DBT: variants seen among roughly 807,000 people sequenced by gnomAD.
The protein encoded by DBT is lipoamide acyltransferase component of branched-chain alpha-keto acid dehydrogenase complex, mitochondrial.
A neutral mutation model predicts 51.3 loss-of-function variants in DBT; 40 were observed. The observed-to-expected ratio is 0.78, with a 90% CI of 0.61 to 1.02. The LOEUF is 1.02. DBT is among the 50% of genes least tolerant of loss of function. The pLI is 0.00. For synonymous variants in DBT, 181 were observed against 190.4 expected (o/e 0.95, Z 0.41); for missense variants, 510 against 580.2 (o/e 0.88, Z 1.24).
intron 2 of DBT, among the ~76,000 whole-genome samples, chr1:100,238,253 T>C (rs1324142522): frequency 1.5e-5 from 2 of 137,740 alleles, no homozygotes; most frequent in Admixed American, 7.2e-5. Context: ...CTTCCTTTCC[T>C]CCCTTCCTTT....
At chr1:100,211,617 A>C (rs1662149685) in intron 7 of DBT, among the ~76,000 whole-genome samples, 1 of 152,200 alleles carries the variant, frequency 6.6e-6, no homozygotes, top group African/African-American at 2.4e-5. Flanking sequence ...ATGGGAAAAA[A>C]ATCAAATTCT....
rs1390750299 is a variant in DBT, at chr1:100,195,316, A to G, written c.*939T>C. 1.3e-5 allele frequency: 2 copies of G among 152,650 alleles called. No individual in the cohort carries two copies. Among genetic ancestry groups the G allele is most frequent in the African/African-American group, 4.8e-5 (2 of 41,470 alleles). 9.5% of individuals were successfully genotyped at this position (152,650 alleles called of 1,614,324 possible). On this transcript the variant is annotated 3_prime_UTR_variant, in exon 11 of 11. Transcript: ENST00000370132. ...AAAGCATTACCACAAATCTAAAACT[A>G]TATCCATTTTAAACAAACACCTTTA...
At chr1:100,200,669 T>C (rs1210089944) in intron 10 of DBT, among the ~76,000 whole-genome samples, 1 of 152,186 alleles carries the variant, frequency 6.6e-6, no homozygotes, top group East Asian at 1.9e-4. Context: ...CTCGCTGGCA[T>C]CTGGCAGGTG....
intron 8 of DBT, among the ~76,000 whole-genome samples, chr1:100,209,365 G>A (rs1475478324): frequency 6.6e-6 from 1 of 151,886 alleles, no homozygotes; most frequent in Non-Finnish European, 1.5e-5. Flanking sequence ...CCCCCAAAGT[G>A]CTGGGATTAC....
chr1:100,210,316 T>TAAG (rs1217977468), intron 8 of DBT, among the ~76,000 whole-genome samples: 4 of 55,324 alleles, frequency 7.2e-5, no homozygotes, highest in Non-Finnish European at 1.7e-4. Flanking sequence ...CCAATAATAA[T>TAAG]AATAATAATA....
At chr1:100,219,218 G>C (rs1662683679) in intron 4 of DBT, among the ~76,000 whole-genome samples, 1 of 152,010 alleles carries the variant, frequency 6.6e-6, no homozygotes, top group African/African-American at 2.4e-5. Flanking sequence ...TGAGTTTGGT[G>C]GCACACACCT....
At chr1:100,213,285 G>T (rs1047962702) in intron 7 of DBT, 1 of 1,383,486 alleles carries the variant, frequency 7.2e-7, no homozygotes, top group Non-Finnish European at 9.3e-7. Flanking sequence ...GAGCCGAGCC[G>T]GGCCGCCATG....
At chr1:100,241,907 G>C (rs1447876034) in intron 1 of DBT, among the ~76,000 whole-genome samples, 1 of 152,050 alleles carries the variant, frequency 6.6e-6, no homozygotes, top group East Asian at 1.9e-4. Context: ...TGTAGTCCCA[G>C]CTACTTGGGA....
intron 2 of DBT, among the ~76,000 whole-genome samples, chr1:100,237,447 T>C (rs1663936421): frequency 6.6e-6 from 1 of 152,186 alleles, no homozygotes; most frequent in Non-Finnish European, 1.5e-5. Flanking sequence ...GGATTGTTTG[T>C]TACTCAGCAG....
chr1:100,228,713 T>C (rs1323870150), intron 4 of DBT, among the ~76,000 whole-genome samples: 2 of 152,112 alleles, frequency 1.3e-5, no homozygotes, highest in Non-Finnish European at 2.9e-5. Flanking sequence ...TGAGCTGAGA[T>C]CGCACCACTG....
intron 7 of DBT, among the ~76,000 whole-genome samples, chr1:100,211,533 C>T (rs1181534004): frequency 6.6e-6 from 1 of 152,178 alleles, no homozygotes; most frequent in Non-Finnish European, 1.5e-5. Flanking sequence ...TTCCCTCCCC[C>T]ACTGCCCTTG....
intron 2 of DBT, among the ~76,000 whole-genome samples, chr1:100,239,452 C>G (rs1664078664): frequency 6.6e-6 from 1 of 151,980 alleles, no homozygotes; most frequent in Non-Finnish European, 1.5e-5. Context: ...GTTTACATGT[C>G]TTAGGCTATA....
chr1:100,228,132 G>A (rs990329639), intron 4 of DBT, among the ~76,000 whole-genome samples: 1 of 152,150 alleles, frequency 6.6e-6, no homozygotes, highest in Non-Finnish European at 1.5e-5. Context: ...TTACAGGTGT[G>A]AGCCACTGAG....
chr1:100,199,609 A>G (rs890688472), intron 10 of DBT, among the ~76,000 whole-genome samples: 2 of 152,206 alleles, frequency 1.3e-5, no homozygotes, highest in Non-Finnish European at 2.9e-5. Flanking sequence ...CCCAGGCAAG[A>G]TGGCAGAACA....
intron 7 of DBT, chr1:100,213,544 G>C (rs1024317449): frequency 2.4e-5 from 38 of 1,565,434 alleles, no homozygotes; most frequent in Non-Finnish European, 3.3e-5. Context: ...GCAGGGTCGG[G>C]GGGCTGCAGG....
chr1:100,237,136 G>A lies in DBT; in HGVS notation c.176-1625C>T, dbSNP rs78971676. Among the ~76,000 whole-genome samples the A allele has an allele frequency of 1.6e-4, 25 of 152,274 alleles. No homozygotes were observed. The East Asian group carries it at 2.3e-3, about 14-fold the overall frequency. On this transcript the variant is annotated intron_variant, in intron 2 of 10. Transcript: ENST00000370132. ...TCATGAAGCTAGGCCTCAAAAGTCC[G>A]CACAGCTTCTCCCTTCTCCCTTTTG...
intron 5 of DBT, among the ~76,000 whole-genome samples, chr1:100,218,022 C>G (rs1662600484): frequency 6.6e-6 from 1 of 152,176 alleles, no homozygotes; most frequent in African/African-American, 2.4e-5. Context: ...AATACCTATC[C>G]CAGTGCCAGG....
chr1:100,224,351 T>G (rs1663045542), intron 4 of DBT, among the ~76,000 whole-genome samples: 2 of 152,230 alleles, frequency 1.3e-5, no homozygotes, highest in Admixed American at 6.5e-5. Flanking sequence ...TTTAGAAATC[T>G]TTCTTATTTC....
Position 100,206,655 on chromosome 1 carries a change from T to C in DBT, c.1018-19A>G. ...GAGAAGCCTAAAAAATAAAAAATTG[T>C]ACAGTAGGGCTTTTAATGAATAAGC... On this transcript the variant is annotated intron_variant, in intron 8 of 10. Coordinates refer to ENST00000370132, the MANE Select transcript of DBT (RefSeq NM_001918.5). 1 of 1,439,046 alleles carries C rather than the reference T, an allele frequency of 6.9e-7. No individual in the cohort carries two copies. The allele number at this position is 1,439,046 out of a possible 1,614,324, so 89.1% of individuals were successfully genotyped here. A position where few individuals can be genotyped will look rare whatever the true frequency, so the allele number is the denominator to read the frequency against.
Sources: allele counts gnomAD v4.1 joint callset (sites outside exome capture counted in the v4.1 genomes callset), GRCh38; gene constraint gnomAD v4.1.1; transcripts MANE v1.5; gene names NCBI Gene and HGNC (gene_info 2026-07-23, HGNC 2026-07-21).